Variants in ANK3 observed in about 807,000 individuals in gnomAD.
The protein encoded by ANK3 is ankyrin 3.
ANK3 carries 57 observed loss-of-function variants against 370.9 expected under a neutral mutation model. That is an observed-to-expected ratio of 0.15 (90% CI 0.12 to 0.19). ANK3 has a LOEUF of 0.19. Ranked by LOEUF, ANK3 falls within the 10% of genes least tolerant of loss-of-function variation. The pLI is 1.00. For synonymous variants in ANK3, 1,929 were observed against 1,946.3 expected, an observed-to-expected ratio of 0.99 and a Z score of 0.23; for missense variants, 4,439 against 5,302.1, an observed-to-expected ratio of 0.84 and a Z score of 5.06.
In ANK3 at chr10:60,070,109, T is replaced by C; in HGVS notation, c.10772A>G (p.Glu3591Gly). 1.2e-6 allele frequency: 2 copies of C among 1,614,128 alleles called. No homozygotes were observed. The highest frequency in any genetic ancestry group is 1.7e-6 in the Non-Finnish European group (2 of 1,179,978). Residue 3591 changes from glutamate (E) to glycine (G), a missense_variant, in exon 37 of 44, where the codon GAA becomes GGA. Glu to Gly is a moderately conservative substitution (Grantham distance 98). Coordinates refer to ENST00000280772, the MANE Select transcript of ANK3 (RefSeq NM_020987.5). This position sits in a 1 kb window ranked among gnomAD's most constrained non-coding sequence, Gnocchi z 5.7. Reference protein sequence around the residue: ...DTTPARTPTDESTPTSEPNPF... With the variant: ...DTTPARTPTDGSTPTSEPNPF... ...GTTAGGCTCACTAGTTGGGGTACTT[T>C]CATCAGTTGGCGTTCTGGCTGGCGT... is the stretch of plus-strand genomic sequence containing the variant.
chr10:60,231,896 A>T (rs2097251771), intron 8 of ANK3, among the ~76,000 whole-genome samples: 2 of 152,198 alleles, frequency 1.3e-5, no homozygotes, highest in Non-Finnish European at 2.9e-5. Flanking sequence ...ATCCAAGTCA[A>T]AACTGAGTGG....
intron 1 of ANK3, among the ~76,000 whole-genome samples, chr10:60,675,067 T>G (rs1431726189): frequency 6.6e-6 from 1 of 152,254 alleles, no homozygotes; most frequent in East Asian, 1.9e-4. Flanking sequence ...TATCATTGTT[T>G]GTGGAATTTT....
intron 36 of ANK3, among the ~76,000 whole-genome samples, chr10:60,078,397 C>T (rs559091819): frequency 1.2e-4 from 18 of 152,270 alleles, no homozygotes; most frequent in Middle Eastern, 3.4e-3. Flanking sequence ...GGAAATGCCA[C>T]GCTGCAAATG....
chr10:60,401,189 A>C (rs1051363340), intron 2 of ANK3, among the ~76,000 whole-genome samples: 1 of 152,200 alleles, frequency 6.6e-6, no homozygotes, highest in Non-Finnish European at 1.5e-5. Flanking sequence ...TACTTCATAG[A>C]ATCAAAGAGT....
At chr10:60,484,580 A>G (rs1185840204) in intron 2 of ANK3, among the ~76,000 whole-genome samples, 2 of 152,168 alleles carry the variant, frequency 1.3e-5, no homozygotes, top group Non-Finnish European at 2.9e-5. Flanking sequence ...GTTAATTATC[A>G]GAAAGAATTG....
At chr10:60,629,080 A>C (rs1470168838) in intron 1 of ANK3, among the ~76,000 whole-genome samples, 1 of 151,750 alleles carries the variant, frequency 6.6e-6, no homozygotes, top group East Asian at 1.9e-4. Flanking sequence ...TCCCTTCTTT[A>C]TTTCTGAGTT....
At chr10:60,614,145 C>A (rs1238194042) in intron 2 of ANK3, among the ~76,000 whole-genome samples, 1 of 151,874 alleles carries the variant, frequency 6.6e-6, no homozygotes, top group African/African-American at 2.4e-5. Flanking sequence ...AACTAAAAGA[C>A]CATAGATAGA....
intron 28 of ANK3, among the ~76,000 whole-genome samples, chr10:60,094,043 G>A (rs2089451768): frequency 1.3e-5 from 2 of 152,062 alleles, no homozygotes; most frequent in Non-Finnish European, 2.9e-5. Flanking sequence ...ACTAATGTGG[G>A]AATTTCAGGC....
chr10:60,372,820 A>G (rs141217400), intron 1 of ANK3, among the ~76,000 whole-genome samples: 2 of 152,352 alleles, frequency 1.3e-5, no homozygotes, highest in Non-Finnish European at 2.9e-5. Context: ...TTAAATTCAG[A>G]TGTCTACAGT....
At chr10:60,089,459 TTGTGTGTGTGTGTGTGTGTGTGTGTG>T (rs61497871) in intron 28 of ANK3, among the ~76,000 whole-genome samples, 7 of 141,538 alleles carry the variant, frequency 4.9e-5, no homozygotes, top group Admixed American at 1.4e-4. Context: ...TCCATCCAGG[TTGTGTGTGTGTGTGTGTGTGTGTGTG>T]TGTGTGTGTG....
At chr10:60,309,832 A>G (rs887044882) in intron 1 of ANK3, among the ~76,000 whole-genome samples, 2 of 152,146 alleles carry the variant, frequency 1.3e-5, no homozygotes, top group African/African-American at 4.8e-5. Flanking sequence ...TGCAAAATCA[A>G]TCATCCCAGA....
Position 60,557,050 on chromosome 10 carries a change from C to T in ANK3, c.96+58136G>A, listed in dbSNP as rs561323901. Among the ~76,000 whole-genome samples the T allele has an allele frequency of 3.3e-5, 5 of 152,288 alleles. No homozygotes were observed. In the East Asian group the frequency reaches 5.8e-4, roughly 18 times the overall value. The stretch of plus-strand genomic sequence containing the variant: ...AGCCATCCCCCTCCCCCACTGCTGT[C>T]GTCTGTGGAAAAATTGTCTTCCACA... On this transcript the variant is annotated intron_variant, in intron 2 of 43. Transcript: ENST00000373827.
At chr10:60,488,009 C>T (rs2075394888) in intron 2 of ANK3, among the ~76,000 whole-genome samples, 1 of 152,108 alleles carries the variant, frequency 6.6e-6, no homozygotes, top group African/African-American at 2.4e-5. Flanking sequence ...CCCTGGGCAT[C>T]TCATCAAACT....
At chr10:60,702,336 C>T (rs986237469) in intron 1 of ANK3, among the ~76,000 whole-genome samples, 2 of 151,548 alleles carry the variant, frequency 1.3e-5, no homozygotes, top group Non-Finnish European at 2.9e-5. Flanking sequence ...AATGACCTTA[C>T]AACAAATAAT....
intron 1 of ANK3, among the ~76,000 whole-genome samples, chr10:60,283,258 CAG>C (rs1044927323): frequency 6.6e-6 from 1 of 152,088 alleles, no homozygotes; most frequent in African/African-American, 2.4e-5. Flanking sequence ...GTCCTAGACT[CAG>C]TATCAGTGGG....
At chr10:60,422,157 A>G (rs1406403221) in intron 2 of ANK3, among the ~76,000 whole-genome samples, 2 of 151,998 alleles carry the variant, frequency 1.3e-5, no homozygotes, top group African/African-American at 4.8e-5. Flanking sequence ...TTTAATTTTG[A>G]ACAACTTCCA....
At chr10:60,127,999 T>A (rs2093857343) in intron 25 of ANK3, among the ~76,000 whole-genome samples, 1 of 152,042 alleles carries the variant, frequency 6.6e-6, no homozygotes, top group Admixed American at 6.6e-5. Context: ...GCCCGGCCAG[T>A]TCTTCATACT....
intron 1 of ANK3, among the ~76,000 whole-genome samples, chr10:60,348,373 C>CACAA (rs2056151777): frequency 2.0e-5 from 2 of 100,278 alleles, no homozygotes; most frequent in East Asian, 2.8e-4. Flanking sequence ...AAAAAAAACA[C>CACAA]AAAAAACAAA....
Position 60,505,680 on chromosome 10 carries a change from C to G in ANK3, c.96+109506G>C, listed in dbSNP as rs148451669. ...GGAGGATCCAGAGGTACAATGAACA[C>G]CCCAAGTCCTCATTTCCTCCCACTC... On this transcript the variant is annotated intron_variant, in intron 2 of 43. Transcript: ENST00000373827. Among the ~76,000 whole-genome samples the G allele has an allele frequency of 3.9e-3, 592 of 152,222 alleles. 2 individuals are homozygous for G. Among genetic ancestry groups the G allele is most frequent in the African/African-American group, 0.014 (571 of 41,534 alleles).
Sources: gnomAD v4.1 joint callset for allele counts (sites outside exome capture counted in the v4.1 genomes callset) on GRCh38, gnomAD v4.1.1 for gene constraint, Gnocchi (gnomAD v3.1) non-coding constraint, MANE v1.5 for transcripts, NCBI Gene and HGNC (gene_info 2026-07-23, HGNC 2026-07-21) for gene names.